Variants in RBFOX1 observed in about 807,000 individuals in gnomAD.
RBFOX1 encodes RNA binding fox-1 homolog 1.
RBFOX1 carries 8 observed loss-of-function variants against 57.7 expected under a neutral mutation model. The ratio of observed to expected loss-of-function variants is 0.14; its 90% CI spans 0.08 to 0.25. The LOEUF (loss-of-function observed/expected upper bound fraction) is 0.25, where lower values mean the gene tolerates loss of function less well. RBFOX1 is among the 10% of genes least tolerant of loss of function. The pLI, the probability that RBFOX1 is intolerant of heterozygous loss-of-function variation, is 1.00. For synonymous variants in RBFOX1, 326 were observed against 222.4 expected (o/e 1.47, Z -4.15); for missense variants, 611 against 548.5 (o/e 1.11, Z -1.14).
chr16:5,571,366 G>T (rs556792218), intron 2 of RBFOX1, among the ~76,000 whole-genome samples: 3 of 151,826 alleles, frequency 2.0e-5, no homozygotes, highest in African/African-American at 4.8e-5. Context: ...GATTACAGGT[G>T]CACACCACCA....
intron 10 of RBFOX1, among the ~76,000 whole-genome samples, chr16:7,618,410 G>A (rs1260345396): frequency 6.6e-6 from 1 of 152,156 alleles, no homozygotes; most frequent in African/African-American, 2.4e-5. Context: ...CAACCCTGCA[G>A]ATTGGGTTCT....
intron 3 of RBFOX1, among the ~76,000 whole-genome samples, chr16:6,801,096 C>G (rs181651655): frequency 9.1e-4 from 138 of 151,020 alleles, no homozygotes; most frequent in Middle Eastern, 3.4e-3. Context: ...GATTGCCATT[C>G]AGTAGATCTG....
At chr16:6,676,142 GCACACACACACACACA>G (rs59806354) in intron 3 of RBFOX1, among the ~76,000 whole-genome samples, 10 of 145,966 alleles carry the variant, frequency 6.9e-5, no homozygotes, top group South Asian at 2.3e-4. Context: ...ACACACACGC[GCACACACACACACACA>G]CACACACACA....
rs2063797269 is a variant in RBFOX1, at chr16:5,301,337, G to A, written c.219+61232G>A. Among the ~76,000 whole-genome samples, 3 of 151,684 alleles carry A rather than the reference G, an allele frequency of 2.0e-5. No individual in the cohort carries two copies. The South Asian group carries it at 6.3e-4, about 32-fold the overall frequency. On this transcript the variant is annotated intron_variant, in intron 1 of 2. Transcript: ENST00000585867. ...TCCAACAGCTATATAAGTGAGCTTA[G>A]GGCTAGGTGCGGTGGCTCATGCCTG...
chr16:7,034,457 C>G (rs1432748414), intron 3 of RBFOX1, among the ~76,000 whole-genome samples: 1 of 152,078 alleles, frequency 6.6e-6, no homozygotes, highest in Non-Finnish European at 1.5e-5. Flanking sequence ...CCCCCTTCTT[C>G]CTTGCTGGGC....
At chr16:5,906,109 A>G (rs2058448626) in intron 4 of RBFOX1, among the ~76,000 whole-genome samples, 3 of 152,120 alleles carry the variant, frequency 2.0e-5, no homozygotes, top group Admixed American at 6.5e-5. Flanking sequence ...AAACACCTCA[A>G]CTGGTATTTT....
chr16:6,278,447 G>A (rs1049942010), intron 1 of RBFOX1, among the ~76,000 whole-genome samples: 3 of 125,202 alleles, frequency 2.4e-5, no homozygotes, highest in Non-Finnish European at 4.7e-5. Context: ...TTACCTAATC[G>A]CATGAAGCAT....
chr16:6,724,098 G>C lies in RBFOX1; in HGVS notation c.-16+69448G>C, dbSNP rs896229041. Among the ~76,000 whole-genome samples, 6 of 152,224 alleles carry C rather than the reference G, an allele frequency of 3.9e-5. No homozygotes were observed. The East Asian group carries it at 7.7e-4, about 20-fold the overall frequency. On this transcript the variant is annotated intron_variant, in intron 3 of 15. Transcript: ENST00000550418. ...GGGTGATAGTATTAGGAGGTGATGAGGCCATGGTGGCAGGGACTTCATGAA... is the reference window on the plus strand; with the variant it reads ...GGGTGATAGTATTAGGAGGTGATGACGCCATGGTGGCAGGGACTTCATGAA...
At chr16:7,704,484 C>T (rs796210756) in intron 14 of RBFOX1, among the ~76,000 whole-genome samples, 118 of 152,284 alleles carry the variant, frequency 7.7e-4, no homozygotes, top group African/African-American at 2.7e-3. Flanking sequence ...CTTCAAAAAG[C>T]GTATCTGAAT....
chr16:5,633,443 T>A (rs1031854983), intron 3 of RBFOX1, among the ~76,000 whole-genome samples: 10 of 152,182 alleles, frequency 6.6e-5, no homozygotes, highest in Admixed American at 6.5e-4. Flanking sequence ...GTTGCACTCA[T>A]CACTGGAGCA....
At chr16:6,610,368 C>G (rs966792839) in intron 2 of RBFOX1, among the ~76,000 whole-genome samples, 1 of 152,080 alleles carries the variant, frequency 6.6e-6, no homozygotes, top group African/African-American at 2.4e-5. Flanking sequence ...CCCACTATCA[C>G]CCAGGCTGGA....
intron 1 of RBFOX1, among the ~76,000 whole-genome samples, chr16:6,233,663 C>T (rs1334961775): frequency 2.0e-5 from 3 of 152,124 alleles, no homozygotes; most frequent in Non-Finnish European, 2.9e-5. Flanking sequence ...GCCTGGAGCA[C>T]AGTAGAGCAA....
intron 4 of RBFOX1, among the ~76,000 whole-genome samples, chr16:7,087,550 AAGAGAGAGAGAGAAGGAGGG>A (rs1262517596): frequency 6.7e-6 from 1 of 149,508 alleles, no homozygotes; most frequent in Non-Finnish European, 1.5e-5. Flanking sequence ...AGGAAGGGAA[AAGAGAGAGAGAGAAGGAGGG>A]AGAGAGGGAG....
At position 5,297,268 on chromosome 16, in the gene RBFOX1, T is replaced by A. The variant is rs895514782; in HGVS notation, c.219+57163T>A. Among the ~76,000 whole-genome samples the A allele has an allele frequency of 3.3e-5, 5 of 152,256 alleles. No homozygotes were observed. In the East Asian group the frequency reaches 7.7e-4, roughly 23 times the overall value. On this transcript the variant is annotated intron_variant, in intron 1 of 2. Transcript: ENST00000585867. ...ACTGACTTCAGCTTCTTCACCCAGA[T>A]GTGTGACTGCTGGATCATATGGTAG...
chr16:5,731,521 A>C (rs2052373401), intron 3 of RBFOX1, among the ~76,000 whole-genome samples: 1 of 152,206 alleles, frequency 6.6e-6, no homozygotes. Context: ...CGTGATTTGA[A>C]CCTCAGTTGT....
intron 1 of RBFOX1, among the ~76,000 whole-genome samples, chr16:6,026,097 G>A (rs2095188328): frequency 6.6e-6 from 1 of 152,170 alleles, no homozygotes; most frequent in African/African-American, 2.4e-5. Context: ...CAGGCTTAGA[G>A]AAACTGTCCC....
At chr16:6,404,848 G>C (rs886699466) in intron 2 of RBFOX1, among the ~76,000 whole-genome samples, 1 of 152,172 alleles carries the variant, frequency 6.6e-6, no homozygotes, top group Non-Finnish European at 1.5e-5. Flanking sequence ...CCAGATTAGA[G>C]CTCCTGGAAT....
At chr16:6,893,991 C>T (rs1244191352) in intron 3 of RBFOX1, among the ~76,000 whole-genome samples, 3 of 152,112 alleles carry the variant, frequency 2.0e-5, no homozygotes, top group Admixed American at 6.6e-5. Flanking sequence ...ATCCCAAAGA[C>T]AGTGCTATGA....
At chr16:7,195,478 G>A (rs767874743) in intron 4 of RBFOX1, among the ~76,000 whole-genome samples, 6 of 152,152 alleles carry the variant, frequency 3.9e-5, no homozygotes, top group Non-Finnish European at 8.8e-5. Flanking sequence ...CAGAACAACT[G>A]ACCCAACAGC....
Sources: gnomAD v4.1 joint callset for allele counts (sites outside exome capture counted in the v4.1 genomes callset) on GRCh38, gnomAD v4.1.1 for gene constraint, MANE v1.5 for transcripts, NCBI Gene and HGNC (gene_info 2026-07-23, HGNC 2026-07-21) for gene names.